Variants in SNTG1 observed in about 807,000 individuals in gnomAD.
SNTG1 encodes syntrophin gamma 1.
In SNTG1, 39 loss-of-function variants were observed where a neutral mutation model predicts 74.7. That is an observed-to-expected ratio of 0.52 (90% confidence interval 0.40 to 0.68). The LOEUF (loss-of-function observed/expected upper bound fraction) is 0.68. Ranked by LOEUF, SNTG1 falls within the 30% of genes least tolerant of loss-of-function variation. SNTG1 has a pLI of 0.00. For missense variants in SNTG1, 685 were observed against 609.5 expected, an observed-to-expected ratio of 1.12 and a Z score of -1.30; for synonymous variants, 254 against 217.1, an observed-to-expected ratio of 1.17 and a Z score of -1.49.
At chr8:50,049,060 C>A (rs112438229) in intron 1 of SNTG1, among the ~76,000 whole-genome samples, 2,238 of 150,148 alleles carry the variant, frequency 0.015, 31 homozygotes, top group Non-Finnish European at 0.021. Context: ...ATAAAATGCT[C>A]AATTAAAGCT....
chr8:50,199,210 T>C (rs1490198101), intron 2 of SNTG1, among the ~76,000 whole-genome samples: 1 of 150,602 alleles, frequency 6.6e-6, no homozygotes, highest in East Asian at 1.9e-4. Flanking sequence ...CGATTAGGAC[T>C]TAATTTCCTT....
At chr8:50,109,274 A>G (rs772059289) in intron 1 of SNTG1, among the ~76,000 whole-genome samples, 14 of 152,236 alleles carry the variant, frequency 9.2e-5, no homozygotes, top group Non-Finnish European at 1.3e-4. Flanking sequence ...ATAGGCAAAT[A>G]TTTAAATGTA....
chr8:50,242,068 TACAC>T (rs1463535665), intron 2 of SNTG1, among the ~76,000 whole-genome samples: 1 of 151,800 alleles, frequency 6.6e-6, no homozygotes, highest in African/African-American at 2.4e-5. Context: ...GACACACAGA[TACAC>T]ACACACATAT....
chr8:50,423,808 T>G (rs549302530), intron 4 of SNTG1, among the ~76,000 whole-genome samples: 1 of 152,124 alleles, frequency 6.6e-6, no homozygotes, highest in South Asian at 2.1e-4. Context: ...CCAAAAAATG[T>G]GATGAGATGA....
chr8:50,594,941 CA>C (rs200113740), intron 13 of SNTG1, among the ~76,000 whole-genome samples: 1,894 of 151,716 alleles, frequency 0.012, 45 homozygotes, highest in African/African-American at 0.042. Context: ...TGTTGGCTTA[CA>C]TAATAATGAT....
intron 1 of SNTG1, among the ~76,000 whole-genome samples, chr8:50,109,444 A>G (rs2080499620): frequency 2.0e-5 from 3 of 152,144 alleles, no homozygotes; most frequent in Non-Finnish European, 4.4e-5. Context: ...GGAGAGTATA[A>G]AACATGGAGG....
intron 2 of SNTG1, among the ~76,000 whole-genome samples, chr8:50,390,841 G>C (rs950838790): frequency 5.9e-5 from 9 of 152,142 alleles, no homozygotes; most frequent in Non-Finnish European, 1.3e-4. Flanking sequence ...AATTGTGAAT[G>C]GGAATTCACT....
intron 1 of SNTG1, among the ~76,000 whole-genome samples, chr8:49,938,554 T>TTTC (rs1808305115): frequency 2.4e-5 from 1 of 41,420 alleles, no homozygotes; most frequent in Non-Finnish European, 4.4e-5. Context: ...CTTCTTTTCT[T>TTTC]TTGTTTTCTT....
intron 17 of SNTG1, among the ~76,000 whole-genome samples, chr8:50,739,406 G>A (rs2095537445): frequency 6.6e-6 from 1 of 151,998 alleles, no homozygotes; most frequent in African/African-American, 2.4e-5. Flanking sequence ...TAAAAAGTCT[G>A]GAAATAATAG....
At chr8:49,993,325 T>G (rs1003668538) in intron 1 of SNTG1, among the ~76,000 whole-genome samples, 3 of 151,556 alleles carry the variant, frequency 2.0e-5, no homozygotes, top group African/African-American at 7.3e-5. Context: ...CAGTAATAGC[T>G]TTTATTTAAA....
At chr8:50,437,532 G>A (rs1381462115) in intron 4 of SNTG1, among the ~76,000 whole-genome samples, 2 of 152,128 alleles carry the variant, frequency 1.3e-5, no homozygotes, top group Admixed American at 1.3e-4. Flanking sequence ...CGCAGAACAA[G>A]AGAATGAGGG....
chr8:50,788,596 G>C (rs531067026), intron 18 of SNTG1, among the ~76,000 whole-genome samples: 3 of 151,848 alleles, frequency 2.0e-5, no homozygotes, highest in African/African-American at 7.3e-5. Context: ...AAAAAATTGC[G>C]GTCTCAGGCA....
At chr8:50,562,515 A>G (rs983108783) in intron 12 of SNTG1, among the ~76,000 whole-genome samples, 1 of 152,206 alleles carries the variant, frequency 6.6e-6, no homozygotes, top group African/African-American at 2.4e-5. Context: ...GCCTCCAGAA[A>G]GCAGCACAGC....
chr8:50,285,973 A>G (rs2130493931), intron 2 of SNTG1, among the ~76,000 whole-genome samples: 1 of 152,158 alleles, frequency 6.6e-6, no homozygotes, highest in South Asian at 2.1e-4. Flanking sequence ...TTTCAATATT[A>G]TGTTTTCACA....
intron 2 of SNTG1, among the ~76,000 whole-genome samples, chr8:50,290,919 G>C (rs567172299): frequency 6.6e-6 from 1 of 151,892 alleles, no homozygotes; most frequent in Admixed American, 6.6e-5. Context: ...TAACACACCT[G>C]GCTAATTTTG....
chr8:50,150,380 T>C (rs2082024387), intron 1 of SNTG1, among the ~76,000 whole-genome samples: 1 of 152,160 alleles, frequency 6.6e-6, no homozygotes, highest in Admixed American at 6.5e-5. Flanking sequence ...TTGAATACCC[T>C]TTATTTCTTT....
At chr8:50,790,586 C>T (rs1041417022) in intron 18 of SNTG1, among the ~76,000 whole-genome samples, 3 of 151,734 alleles carry the variant, frequency 2.0e-5, no homozygotes, top group Non-Finnish European at 2.9e-5. Context: ...ATCGTTGACA[C>T]CCTAGGAGTG....
intron 2 of SNTG1, among the ~76,000 whole-genome samples, chr8:50,280,378 A>G (rs2088372287): frequency 6.6e-6 from 1 of 152,236 alleles, no homozygotes; most frequent in African/African-American, 2.4e-5. Flanking sequence ...TGCAATTTAA[A>G]TGTCTCAATG....
At chr8:49,920,401 C>G (rs1806424962) in intron 1 of SNTG1, among the ~76,000 whole-genome samples, 1 of 152,006 alleles carries the variant, frequency 6.6e-6, no homozygotes, top group African/African-American at 2.4e-5. Flanking sequence ...AAGTTAAATG[C>G]TTCTCTATAG....
Sources: gnomAD v4.1 joint callset for allele counts (sites outside exome capture counted in the v4.1 genomes callset) on GRCh38, gnomAD v4.1.1 for gene constraint, MANE v1.5 for transcripts, NCBI Gene and HGNC (gene_info 2026-07-23, HGNC 2026-07-21) for gene names.